ATXN7L1: variants seen among roughly 807,000 people sequenced by gnomAD.
ATXN7L1 encodes the protein ataxin-7-like protein 1.
ATXN7L1 carries 15 observed loss-of-function variants against 70.8 expected under a neutral mutation model. That is an observed-to-expected ratio of 0.21 (90% CI 0.14 to 0.33). The LOEUF is 0.33. Among genes scored for constraint, ATXN7L1 ranks in the 10% least tolerant of loss-of-function variants. ATXN7L1 has a pLI of 1.00. For missense variants in ATXN7L1, 975 were observed against 1,097.1 expected (o/e 0.89, Z 1.57); for synonymous variants, 440 against 445.1 (o/e 0.99, Z 0.14).
At chr7:105,722,665 G>T (rs1276993809) in intron 3 of ATXN7L1, among the ~76,000 whole-genome samples, 1 of 148,798 alleles carries the variant, frequency 6.7e-6, no homozygotes, top group East Asian at 2.0e-4. Flanking sequence ...AATTGCCTGA[G>T]GTCAGGAGTT....
At chr7:105,745,480 T>C (rs577927605) in intron 3 of ATXN7L1, among the ~76,000 whole-genome samples, 3 of 152,208 alleles carry the variant, frequency 2.0e-5, no homozygotes, top group East Asian at 3.8e-4. Flanking sequence ...CAAATAACAT[T>C]ACAGCTGGAA....
intron 2 of ATXN7L1, among the ~76,000 whole-genome samples, chr7:105,826,802 A>G (rs933448095): frequency 1.3e-5 from 2 of 152,230 alleles, no homozygotes; most frequent in Non-Finnish European, 2.9e-5. Flanking sequence ...TATACAGGTG[A>G]ACAGAGAAGT....
At chr7:105,862,797 G>C (rs1239773471) in intron 2 of ATXN7L1, among the ~76,000 whole-genome samples, 1 of 152,166 alleles carries the variant, frequency 6.6e-6, no homozygotes, top group African/African-American at 2.4e-5. Flanking sequence ...AGTTAATGGA[G>C]AATGGGTGAA....
chr7:105,636,585 A>C (rs1378460069), intron 7 of ATXN7L1, among the ~76,000 whole-genome samples: 1 of 152,016 alleles, frequency 6.6e-6, no homozygotes, highest in Admixed American at 6.6e-5. Flanking sequence ...TTAAACCCAA[A>C]AGGAACAGTC....
intron 4 of ATXN7L1, among the ~76,000 whole-genome samples, chr7:105,652,702 G>A (rs945884398): frequency 4.6e-5 from 7 of 152,272 alleles, no homozygotes; most frequent in Admixed American, 4.6e-4. Flanking sequence ...CTGCCAGGAA[G>A]GCTGGGAGCT....
At chr7:105,865,834 A>G (rs993190296) in intron 2 of ATXN7L1, among the ~76,000 whole-genome samples, 2 of 152,072 alleles carry the variant, frequency 1.3e-5, no homozygotes, top group African/African-American at 2.4e-5. Flanking sequence ...TCATGGCAAC[A>G]CTAACTCTCC....
At chr7:105,875,908 G>GA in intron 1 of ATXN7L1, 28 bp from the exon 2 acceptor site, 1 of 1,601,942 alleles carries the variant, frequency 6.2e-7, no homozygotes. Context: ...AAGGAAAACA[G>GA]AAAATAAGGA....
intron 3 of ATXN7L1, among the ~76,000 whole-genome samples, chr7:105,787,251 T>C (rs1804441128): frequency 6.6e-6 from 1 of 152,122 alleles, no homozygotes; most frequent in African/African-American, 2.4e-5. Context: ...CATCTTCCCA[T>C]GGTAGGGACA....
intron 9 of ATXN7L1, among the ~76,000 whole-genome samples, chr7:105,617,313 T>C (rs1630232): frequency 0.97 from 147,242 of 152,318 alleles, 71,349 homozygotes; most frequent in East Asian, 1. Flanking sequence ...CATGAGCCAC[T>C]GCACCCGGCC....
intron 3 of ATXN7L1, among the ~76,000 whole-genome samples, chr7:105,728,678 C>T (rs1470856221): frequency 6.6e-6 from 1 of 152,144 alleles, no homozygotes; most frequent in Non-Finnish European, 1.5e-5. Flanking sequence ...GTATCATTCT[C>T]CTATAAAAGG....
At chr7:105,700,507 T>G (rs1792306154) in intron 3 of ATXN7L1, among the ~76,000 whole-genome samples, 1 of 49,806 alleles carries the variant, frequency 2.0e-5, no homozygotes, top group Non-Finnish European at 3.2e-5. Flanking sequence ...AGACTCTGTC[T>G]CAAAAAAAAA....
At chr7:105,761,941 T>C (rs1221770895) in intron 3 of ATXN7L1, among the ~76,000 whole-genome samples, 1 of 152,224 alleles carries the variant, frequency 6.6e-6, no homozygotes, top group African/African-American at 2.4e-5. Flanking sequence ...GATTAGCTTA[T>C]TCCCTGGGGA....
chr7:105,874,933 G>T (rs1818826618), intron 2 of ATXN7L1, among the ~76,000 whole-genome samples: 1 of 152,064 alleles, frequency 6.6e-6, no homozygotes, highest in Admixed American at 6.5e-5. Flanking sequence ...CTGTCCCCTT[G>T]TGCCATCTTC....
At chr7:105,802,662 C>A (rs973046603) in intron 2 of ATXN7L1, among the ~76,000 whole-genome samples, 1 of 152,196 alleles carries the variant, frequency 6.6e-6, no homozygotes, top group Admixed American at 6.5e-5. Flanking sequence ...CTGCTTCTTG[C>A]TTACCAGGAA....
At position 105,664,060 on chromosome 7, in the gene ATXN7L1, A is replaced by T. The variant is rs142859906; in HGVS notation, c.578+1006T>A. ...GCTGGGATTACAGGCATGAGCCACCACGCCTGGCCAAAAGCCTCTGAATTT... is the reference window on the plus strand; with the variant it reads ...GCTGGGATTACAGGCATGAGCCACCTCGCCTGGCCAAAAGCCTCTGAATTT... On this transcript the variant is annotated intron_variant, in intron 4 of 11. Transcript: ENST00000419735. Among the ~76,000 whole-genome samples the T allele has an allele frequency of 4.7e-3, 716 of 152,130 alleles. 3 individuals are homozygous for T. The highest frequency in any genetic ancestry group is 0.017 in the African/African-American group (690 of 41,504).
chr7:105,819,753 G>T lies in ATXN7L1; in HGVS notation c.251-31045C>A. 1.1e-5 allele frequency: 8 copies of T among 736,796 alleles called. No individual in the cohort carries two copies. The South Asian group carries it at 1.1e-4, about 10-fold the overall frequency. 45.6% of individuals were successfully genotyped at this position (736,796 alleles called of 1,614,324 possible). On this transcript the variant is annotated intron_variant, in intron 2 of 11. Coordinates refer to ENST00000419735, the MANE Select transcript of ATXN7L1 (RefSeq NM_020725.2). ...CTTCCGGCTGACCTCGAGGCATGTT[G>T]CCCCACAAGACAAAGCAAGGCCGGG...
intron 4 of ATXN7L1, among the ~76,000 whole-genome samples, chr7:105,652,179 G>C (rs1365438458): frequency 6.6e-6 from 1 of 152,216 alleles, no homozygotes; most frequent in African/African-American, 2.4e-5. Flanking sequence ...ATGCTGCACA[G>C]GCTGCCTTTG....
intron 3 of ATXN7L1, among the ~76,000 whole-genome samples, chr7:105,782,186 C>T (rs1205628572): frequency 6.6e-6 from 1 of 152,134 alleles, no homozygotes; most frequent in African/African-American, 2.4e-5. Context: ...TACACTCAAC[C>T]ACTAGGCTCA....
At chr7:105,667,131 CT>C (rs1485778247) in intron 3 of ATXN7L1, among the ~76,000 whole-genome samples, 4 of 152,208 alleles carry the variant, frequency 2.6e-5, no homozygotes, top group Non-Finnish European at 4.4e-5. Context: ...GGAATTCGTC[CT>C]TTGTAAAATT....
Sources: allele counts gnomAD v4.1 joint callset (sites outside exome capture counted in the v4.1 genomes callset), GRCh38; gene constraint gnomAD v4.1.1; transcripts MANE v1.5; gene names NCBI Gene and HGNC (gene_info 2026-07-23, HGNC 2026-07-21).